Variants in SAMHD1 observed in about 807,000 individuals in gnomAD.
The protein encoded by SAMHD1 is SAM and HD domain containing deoxynucleoside triphosphate triphosphohydrolase 1.
SAMHD1 carries 54 observed loss-of-function variants against 79.6 expected under a neutral mutation model. That is an observed-to-expected ratio of 0.68 (90% CI 0.55 to 0.85). The LOEUF (loss-of-function observed/expected upper bound fraction) is 0.85, where lower values mean the gene tolerates loss of function less well. Among genes scored for constraint, SAMHD1 ranks in the 40% least tolerant of loss-of-function variants. The probability of loss-of-function intolerance (pLI) is 0.00; values close to 1 mark genes in which losing one functional copy is unlikely to be tolerated. For synonymous variants in SAMHD1, 260 were observed against 264.1 expected, an observed-to-expected ratio of 0.98 and a Z score of 0.15; for missense variants, 663 against 782.7, an observed-to-expected ratio of 0.85 and a Z score of 1.82.
chr20:36,937,632 A>G (rs1164053882), intron 3 of SAMHD1, among the ~76,000 whole-genome samples: 1 of 152,164 alleles, frequency 6.6e-6, no homozygotes, highest in East Asian at 1.9e-4. Context: ...TCAATAAAGC[A>G]TTTATGTTTT....
Position 36,892,671 on chromosome 20 carries a change from T to G in SAMHD1, c.*261A>C, listed in dbSNP as rs2148351877. 1.9e-6 allele frequency: 1 copy of G among 521,266 alleles called. No individual in the cohort carries two copies. Among genetic ancestry groups the G allele is most frequent in the African/African-American group, 1.9e-5 (1 of 52,008 alleles). The allele number at this position is 521,266 out of a possible 1,614,324, so 32.3% of individuals were successfully genotyped here. A position where few individuals can be genotyped will look rare whatever the true frequency, so the allele number is the denominator to read the frequency against. On this transcript the variant is annotated 3_prime_UTR_variant, in exon 16 of 16. Coordinates refer to ENST00000646673, the MANE Select transcript of SAMHD1 (RefSeq NM_015474.4). ...GAGTTCAGAATAGATAAAAGAGTTGTTATTCTAAGAAAATAGACTACTGAA... is the reference window on the plus strand; with the variant it reads ...GAGTTCAGAATAGATAAAAGAGTTGGTATTCTAAGAAAATAGACTACTGAA...
intron 1 of SAMHD1, among the ~76,000 whole-genome samples, chr20:36,948,857 C>T (rs916635563): frequency 7.0e-6 from 1 of 143,184 alleles, no homozygotes; most frequent in Non-Finnish European, 1.5e-5. Flanking sequence ...CAGAGCGAGA[C>T]TCTGTCTCAA....
At chr20:36,934,470 C>T (rs1009037125) in intron 4 of SAMHD1, among the ~76,000 whole-genome samples, 1 of 120,528 alleles carries the variant, frequency 8.3e-6, no homozygotes, top group Non-Finnish European at 1.6e-5. Flanking sequence ...TTGCAGTGAG[C>T]CAAGATTACG....
At chr20:36,937,649 C>A (rs933269465) in intron 3 of SAMHD1, among the ~76,000 whole-genome samples, 12 of 152,128 alleles carry the variant, frequency 7.9e-5, no homozygotes, top group Non-Finnish European at 1.5e-4. Flanking sequence ...TTTTAAGTAT[C>A]AAGTTAGGTA....
chr20:36,927,143 T>C (rs376882163), intron 6 of SAMHD1, 39 bp downstream of exon 6: 34 of 1,532,768 alleles, frequency 2.2e-5, no homozygotes, highest in Non-Finnish European at 2.9e-5. Flanking sequence ...GCTTAAATAG[T>C]CTTTCTTTTT....
chr20:36,906,395 G>A (rs544996916), intron 11 of SAMHD1, among the ~76,000 whole-genome samples: 93 of 152,200 alleles, frequency 6.1e-4, no homozygotes, highest in Non-Finnish European at 1.2e-3. Flanking sequence ...CCGAGATGGC[G>A]CCACTGCACT....
chr20:36,903,354 C>G (rs531060426), intron 13 of SAMHD1, among the ~76,000 whole-genome samples: 226 of 151,664 alleles, frequency 1.5e-3, no homozygotes, highest in Middle Eastern at 0.014. Context: ...ATTCTCCTGC[C>G]ACAGCCTCCT....
intron 15 of SAMHD1, among the ~76,000 whole-genome samples, chr20:36,894,764 C>T (rs530577760): frequency 2.6e-4 from 39 of 151,940 alleles, no homozygotes; most frequent in Non-Finnish European, 5.0e-4. Flanking sequence ...AAGACTCTGT[C>T]TCAAAAAAAA....
chr20:36,913,984 G>C (rs1356880535), intron 9 of SAMHD1, among the ~76,000 whole-genome samples: 1 of 151,944 alleles, frequency 6.6e-6, no homozygotes, highest in Non-Finnish European at 1.5e-5. Flanking sequence ...AAACTCGGTA[G>C]CCCAAGAGAT....
In SAMHD1 at chr20:36,941,045, T is replaced by C. The variant is rs760417947; in HGVS notation, c.342A>G (p.Thr114=). 5 of 1,611,838 alleles carry C rather than the reference T, an allele frequency of 3.1e-6. No homozygotes were observed. The Admixed American group carries it at 8.3e-5, about 27-fold the overall frequency. The change falls in exon 3 of 16, where the codon ACA becomes ACG. Residue 114 remains threonine, a synonymous_variant. Coordinates refer to ENST00000646673, the MANE Select transcript of SAMHD1 (RefSeq NM_015474.4). ...IQRLVQIHVD[T]MKVINDPIHG... is the part of the protein sequence containing the mutation. ...CAAACTCAGATCCTCTTACCTTCATTGTATCAACGTGGATTTGAACCAATC... is the reference window on the plus strand; with the variant it reads ...CAAACTCAGATCCTCTTACCTTCATCGTATCAACGTGGATTTGAACCAATC...
chr20:36,940,976 T>C (rs1490350062), intron 3 of SAMHD1, 63 bp downstream of exon 3: 1 of 1,246,988 alleles, frequency 8.0e-7, no homozygotes, highest in African/African-American at 1.5e-5. Flanking sequence ...TCAAAATGAA[T>C]TTTACATAAT....
At chr20:36,950,011 G>GCCGA (rs1212122571) in intron 1 of SAMHD1, among the ~76,000 whole-genome samples, 1 of 151,916 alleles carries the variant, frequency 6.6e-6, no homozygotes. Flanking sequence ...GAGTTGAGGG[G>GCCGA]CCCATAAGGG....
intron 3 of SAMHD1, among the ~76,000 whole-genome samples, chr20:36,938,553 A>G (rs1386934470): frequency 1.3e-5 from 2 of 148,590 alleles, no homozygotes; most frequent in Non-Finnish European, 3.0e-5. Context: ...ACAACAAAAC[A>G]GGGACAGGCA....
chr20:36,932,410 C>T lies in SAMHD1; in HGVS notation c.510-1535G>A, dbSNP rs190296875. Among the ~76,000 whole-genome samples the T allele has an allele frequency of 1.0e-4, 10 of 96,910 alleles. No individual in the cohort carries two copies. The East Asian group carries it at 1.2e-3, about 12-fold the overall frequency. The allele number at this position is 96,910 out of a possible 152,430, so 63.6% of individuals were successfully genotyped here. A position where few individuals can be genotyped will look rare whatever the true frequency, so the allele number is the denominator to read the frequency against. On this transcript the variant is annotated intron_variant, in intron 4 of 15. Transcript: ENST00000646673. ...GTTACTAGGGGGTTGCGGGGGGTTG[C>T]GGGGGGAGACATGAAGAGTTGTTTA...
chr20:36,924,641 G>C (rs185963884), intron 6 of SAMHD1, among the ~76,000 whole-genome samples: 38 of 152,258 alleles, frequency 2.5e-4, no homozygotes, highest in African/African-American at 9.1e-4. Flanking sequence ...TTTAGCTCAA[G>C]GGGGCGTGAC....
At chr20:36,947,362 A>C in intron 1 of SAMHD1, among the ~76,000 whole-genome samples, 1 of 76,866 alleles carries the variant, frequency 1.3e-5, no homozygotes, top group Non-Finnish European at 2.3e-5. Context: ...CTGGGAAAGC[A>C]CTCAATACTC....
At chr20:36,913,546 T>A (rs1157157774) in intron 9 of SAMHD1, among the ~76,000 whole-genome samples, 1 of 148,642 alleles carries the variant, frequency 6.7e-6, no homozygotes, top group East Asian at 2.1e-4. Context: ...GAGGTTGCAG[T>A]GAGCGGAGAT....
At chr20:36,896,176 A>G (rs529181554) in intron 15 of SAMHD1, among the ~76,000 whole-genome samples, 17 of 151,814 alleles carry the variant, frequency 1.1e-4, no homozygotes, top group South Asian at 6.3e-4. Flanking sequence ...GTTTCACAGT[A>G]TTAGCCAGGA....
In SAMHD1 at chr20:36,951,477, C is replaced by T. The variant is rs147891080; in HGVS notation, c.167G>A (p.Arg56His). The T allele has an allele frequency of 2.4e-5, 38 of 1,614,154 alleles. No individual in the cohort carries two copies. The African/African-American group carries it at 3.2e-4, about 14-fold the overall frequency. ...CAGCACCGGCTCTTCAAAGCCACCG[C>T]GCCTGAGGAAGGAGCACACCTGCTC... is the stretch of plus-strand genomic sequence containing the variant. ...GPEQVCSFLR[R>H]GGFEEPVLLK... The change falls in exon 1 of 16, where the codon CGC becomes CAC. Residue 56 changes from arginine (R) to histidine (H), a missense_variant. Coordinates refer to ENST00000646673, the MANE Select transcript of SAMHD1 (RefSeq NM_015474.4).
Sources: allele counts gnomAD v4.1 joint callset (sites outside exome capture counted in the v4.1 genomes callset), GRCh38; gene constraint gnomAD v4.1.1; transcripts MANE v1.5; gene names NCBI Gene and HGNC (gene_info 2026-07-23, HGNC 2026-07-21).